HMOX2: variants seen among roughly 807,000 people sequenced by gnomAD.
HMOX2 encodes heme oxygenase 2.
A neutral mutation model predicts 33.7 loss-of-function variants in HMOX2; 30 were observed. The ratio of observed to expected loss-of-function variants is 0.89; its 90% CI spans 0.67 to 1.21. HMOX2 has a LOEUF of 1.21. HMOX2 is among the 50% of genes most tolerant of loss of function. The probability of loss-of-function intolerance (pLI) is 0.00; values close to 1 mark genes in which losing one functional copy is unlikely to be tolerated. For synonymous variants in HMOX2, 155 were observed against 155.0 expected, an observed-to-expected ratio of 1.00 and a Z score of 0.00; for missense variants, 403 against 399.1, an observed-to-expected ratio of 1.01 and a Z score of -0.08.
At chr16:4,478,719 T>C (rs550158193) in intron 1 of HMOX2, among the ~76,000 whole-genome samples, 265 of 148,388 alleles carry the variant, frequency 1.8e-3, no homozygotes, top group African/African-American at 6.1e-3. Flanking sequence ...GAGCCAAGAT[T>C]GTGCCACTGC....
At chr16:4,501,311 G>A (rs2058552296) in intron 1 of HMOX2, among the ~76,000 whole-genome samples, 1 of 152,080 alleles carries the variant, frequency 6.6e-6, no homozygotes, top group Admixed American at 6.6e-5. Flanking sequence ...AGTTATAGTC[G>A]GTGTTTGGGA....
intron 1 of HMOX2, among the ~76,000 whole-genome samples, chr16:4,499,478 A>G (rs1188087360): frequency 1.3e-5 from 2 of 152,170 alleles, no homozygotes; most frequent in African/African-American, 4.8e-5. Context: ...AGGAGAGTGT[A>G]ACATGTTGGT....
intron 2 of HMOX2, among the ~76,000 whole-genome samples, chr16:4,505,952 T>C (rs1596474503): frequency 6.6e-6 from 1 of 152,224 alleles, no homozygotes; most frequent in Non-Finnish European, 1.5e-5. Flanking sequence ...TTCAGTCTTT[T>C]ACCACATAAA....
rs1308225082 is a variant in HMOX2, at chr16:4,505,615, G to A, written c.86+5G>A. On this transcript the variant is annotated splice_donor_5th_base_variant and intron_variant, in intron 2 of 5. Coordinates refer to ENST00000570646, the MANE Select transcript of HMOX2 (RefSeq NM_002134.4). ...AGAAAAGGAGAACCAAATGAGGTGA[G>A]CGATGGGGGCTGGCTGCACTGAATC... 6 of 1,578,738 alleles carry A rather than the reference G, an allele frequency of 3.8e-6. No homozygotes were observed. Among genetic ancestry groups the A allele is most frequent in the Non-Finnish European group, 5.2e-6 (6 of 1,157,920 alleles).
chr16:4,503,626 C>A (rs1464255390), intron 1 of HMOX2, among the ~76,000 whole-genome samples: 1 of 152,146 alleles, frequency 6.6e-6, no homozygotes, highest in Admixed American at 6.5e-5. Flanking sequence ...AGGCATTGTG[C>A]TATATGAGTT....
At chr16:4,481,437 A>G (rs969079533) in intron 1 of HMOX2, among the ~76,000 whole-genome samples, 20 of 152,018 alleles carry the variant, frequency 1.3e-4, no homozygotes, top group Admixed American at 9.8e-4. Context: ...GGCTGGCCTC[A>G]TAAGTAGCTG....
chr16:4,498,697 G>A (rs566400288), intron 1 of HMOX2, among the ~76,000 whole-genome samples: 2 of 152,236 alleles, frequency 1.3e-5, no homozygotes, highest in South Asian at 4.1e-4. Flanking sequence ...TTTATCAAGA[G>A]GTTAATATTT....
Position 4,509,998 on chromosome 16 carries a change from C to A in HMOX2, c.*242C>A, listed in dbSNP as rs1000543049. 4 of 543,690 alleles carry A rather than the reference C, an allele frequency of 7.4e-6. No individual in the cohort carries two copies. The highest frequency in any genetic ancestry group is 6.6e-6 in the Non-Finnish European group (2 of 304,570). The allele number at this position is 543,690 out of a possible 1,614,324, so 33.7% of individuals were successfully genotyped here. Reference sequence around the variant, plus strand: ...GTCGGCACAGTGCAGCAAGCCTGGCCCCCGACCCAGCTCTACTCCAGGCTT... The same window carrying A: ...GTCGGCACAGTGCAGCAAGCCTGGCACCCGACCCAGCTCTACTCCAGGCTT... On this transcript the variant is annotated 3_prime_UTR_variant, in exon 6 of 6. Coordinates refer to ENST00000570646, the MANE Select transcript of HMOX2 (RefSeq NM_002134.4).
rs772245870 is a variant in HMOX2 at position 4,507,821 on chromosome 16, C to T, written c.313C>T (p.Arg105Trp). 1.9e-6 allele frequency: 3 copies of T among 1,614,178 alleles called. No homozygotes were observed. The highest frequency in any genetic ancestry group is 2.5e-6 in the Non-Finnish European group (3 of 1,180,026). ...APLYFPMELHRKEALTKDMEY... is the reference protein window; with the variant it reads ...APLYFPMELHWKEALTKDMEY... ...TTTGTACTTCCCCATGGAGCTGCAC[C>T]GGAAGGAGGCGCTGACCAAGGACAT... The change falls in exon 4 of 6, where the codon CGG becomes TGG. Residue 105 changes from arginine (R) to tryptophan (W), a missense_variant. Coordinates refer to ENST00000570646, the MANE Select transcript of HMOX2 (RefSeq NM_002134.4).
intron 4 of HMOX2, 41 bp from the exon 5 acceptor site, chr16:4,509,371 G>A (rs1861399859): frequency 6.3e-7 from 1 of 1,588,370 alleles, no homozygotes; most frequent in Admixed American, 1.9e-5. Context: ...AAAAAGTATG[G>A]GCAGCCCAAA....
chr16:4,489,029 T>A (rs8053770), intron 1 of HMOX2, among the ~76,000 whole-genome samples: 102,421 of 151,910 alleles, frequency 0.67, 35,022 homozygotes, highest in Non-Finnish European at 0.73. Flanking sequence ...GGTTTTTGCC[T>A]TGTTGCCCAG....
At chr16:4,491,871 G>A (rs553431565) in intron 1 of HMOX2, among the ~76,000 whole-genome samples, 3 of 151,898 alleles carry the variant, frequency 2.0e-5, no homozygotes, top group East Asian at 2.0e-4. Context: ...TTTAGTAGAC[G>A]CAGGGTTTTA....
chr16:4,509,981 A>C lies in HMOX2; in HGVS notation c.*225A>C. ...CCGTCACCCTGGGAGCAGTCGGCACAGTGCAGCAAGCCTGGCCCCCGACCC... is the reference window on the plus strand; with the variant it reads ...CCGTCACCCTGGGAGCAGTCGGCACCGTGCAGCAAGCCTGGCCCCCGACCC... On this transcript the variant is annotated 3_prime_UTR_variant, in exon 6 of 6. Transcript: ENST00000570646. 1 of 571,196 alleles carries C rather than the reference A, an allele frequency of 1.8e-6. No individual in the cohort carries two copies. The highest frequency in any genetic ancestry group is 3.1e-6 in the Non-Finnish European group (1 of 323,024). 35.4% of individuals were successfully genotyped at this position (571,196 alleles called of 1,614,324 possible). A position where few individuals can be genotyped will look rare whatever the true frequency, so the allele number is the denominator to read the frequency against.
intron 1 of HMOX2, among the ~76,000 whole-genome samples, chr16:4,487,172 T>C (rs1034937460): frequency 1.3e-5 from 2 of 152,014 alleles, no homozygotes; most frequent in African/African-American, 4.8e-5. Flanking sequence ...GTTGGAAGTA[T>C]CACCTGAGCC....
intron 1 of HMOX2, among the ~76,000 whole-genome samples, chr16:4,491,052 A>T (rs907744902): frequency 1.3e-5 from 2 of 152,192 alleles, no homozygotes; most frequent in Admixed American, 6.5e-5. Flanking sequence ...GTCTGCAAAC[A>T]TTTCCACGTC....
At chr16:4,496,126 CTTT>C (rs35152645) in intron 1 of HMOX2, 535 of 141,038 alleles carry the variant, frequency 3.8e-3, no homozygotes, top group Non-Finnish European at 3.9e-3. Context: ...ACTTTTCTTT[CTTT>C]TTTTTTTTTT....
In HMOX2 at chr16:4,490,693, GCTT is replaced by G. The variant is rs1396527172; in HGVS notation, c.-42+14212_-42+14214del. Among the ~76,000 whole-genome samples, 5 of 152,292 alleles carry G rather than the reference GCTT, an allele frequency of 3.3e-5. 1 individual carries two copies. The highest frequency in any genetic ancestry group is 9.6e-5 in the African/African-American group (4 of 41,560). On this transcript the variant is annotated intron_variant, in intron 1 of 5. Coordinates refer to ENST00000570646, the MANE Select transcript of HMOX2 (RefSeq NM_002134.4). ...GGGCAGTGCCAAGCTGCCTCTAATA[GCTT>G]CTTCTGTTTTTTTGGTGGAAATTCA...
At chr16:4,490,639 A>G (rs1480962730) in intron 1 of HMOX2, among the ~76,000 whole-genome samples, 1 of 152,246 alleles carries the variant, frequency 6.6e-6, no homozygotes, top group African/African-American at 2.4e-5. Context: ...TCCCAGGAAC[A>G]TACTGTAACC....
At chr16:4,503,482 T>G (rs1005910595) in intron 1 of HMOX2, among the ~76,000 whole-genome samples, 2 of 152,240 alleles carry the variant, frequency 1.3e-5, no homozygotes, top group African/African-American at 4.8e-5. Flanking sequence ...TGTCTCTGAT[T>G]TGGAGTCAAG....
Sources: gnomAD v4.1 joint callset for allele counts (sites outside exome capture counted in the v4.1 genomes callset) on GRCh38, gnomAD v4.1.1 for gene constraint, MANE v1.5 for transcripts, NCBI Gene and HGNC (gene_info 2026-07-23, HGNC 2026-07-21) for gene names.